MYO6: variants seen among roughly 807,000 people sequenced by gnomAD.
The protein encoded by MYO6 is myosin VI.
In MYO6, 74 loss-of-function variants were observed where a neutral mutation model predicts 178.7. That is an observed-to-expected ratio of 0.41 (90% CI 0.34 to 0.50). The LOEUF is 0.50. MYO6 is among the 20% of genes least tolerant of loss of function. The probability of loss-of-function intolerance (pLI) is 0.09; values close to 1 mark genes in which losing one functional copy is unlikely to be tolerated. For missense variants in MYO6, 1,330 were observed against 1,547.4 expected (o/e 0.86, Z 2.36); for synonymous variants, 477 against 504.6 (o/e 0.95, Z 0.73).
chr6:75,822,474 G>A (rs1404350255), intron 2 of MYO6, among the ~76,000 whole-genome samples: 1 of 151,918 alleles, frequency 6.6e-6, no homozygotes, highest in Admixed American at 6.6e-5. Context: ...TTGTTAAATA[G>A]CATATGTATG....
At chr6:75,833,372 TA>T (rs1319160344) in intron 6 of MYO6, among the ~76,000 whole-genome samples, 36 of 152,356 alleles carry the variant, frequency 2.4e-4, no homozygotes, top group African/African-American at 8.2e-4. Flanking sequence ...ATAGTAGCAT[TA>T]AGTATATTCA....
intron 1 of MYO6, among the ~76,000 whole-genome samples, chr6:75,815,739 G>A (rs1283258718): frequency 6.6e-6 from 1 of 152,220 alleles, no homozygotes; most frequent in Admixed American, 6.5e-5. Flanking sequence ...TGAATGAACT[G>A]TATGCCAAAC....
At chr6:75,839,170 TA>T (rs1221218434) in intron 7 of MYO6, among the ~76,000 whole-genome samples, 5 of 152,072 alleles carry the variant, frequency 3.3e-5, no homozygotes, top group African/African-American at 9.6e-5. Context: ...ACTTCATGTT[TA>T]TTTTTTAATT....
At chr6:75,895,329 G>C (rs181707647) in intron 29 of MYO6, 69 bp downstream of exon 29, 6 of 1,214,752 alleles carry the variant, frequency 4.9e-6, no homozygotes, top group African/African-American at 3.0e-5. Flanking sequence ...TTTCTCATTG[G>C]AGTAAATTTT....
chr6:75,833,527 T>G (rs1364604471), intron 6 of MYO6, among the ~76,000 whole-genome samples: 1 of 152,206 alleles, frequency 6.6e-6, no homozygotes, highest in African/African-American at 2.4e-5. Context: ...TTTAACTACT[T>G]TAGCTATTTC....
At chr6:75,866,740 T>C (rs764779055) in intron 17 of MYO6, 119 bp downstream of exon 17, 106 of 1,145,464 alleles carry the variant, frequency 9.3e-5, no homozygotes, top group Non-Finnish European at 1.4e-4. Flanking sequence ...TTAAGTAAAA[T>C]TACAAGTTCA....
chr6:75,763,423 T>C (rs1420890803), intron 1 of MYO6, among the ~76,000 whole-genome samples: 1 of 152,228 alleles, frequency 6.6e-6, no homozygotes, highest in Admixed American at 6.5e-5. Context: ...AATGATTGTT[T>C]CCTAGATTAT....
intron 3 of MYO6, among the ~76,000 whole-genome samples, chr6:75,828,297 A>C (rs553072851): frequency 6.6e-6 from 1 of 152,256 alleles, no homozygotes; most frequent in East Asian, 1.9e-4. Flanking sequence ...AGTACTCACT[A>C]GGTTTACTCT....
chr6:75,825,466 G>A (rs950599446), intron 3 of MYO6, among the ~76,000 whole-genome samples: 2 of 152,100 alleles, frequency 1.3e-5, no homozygotes, highest in Non-Finnish European at 2.9e-5. Context: ...GGTGGTGGGC[G>A]CCGGTAATCC....
intron 2 of MYO6, among the ~76,000 whole-genome samples, chr6:75,821,460 T>C (rs1771862250): frequency 6.6e-6 from 1 of 152,328 alleles, no homozygotes; most frequent in South Asian, 2.1e-4. Flanking sequence ...TTTTGTGGCC[T>C]GTCCTACAAA....
At chr6:75,911,630 G>T in intron 32 of MYO6, 42 bp from the exon 33 acceptor site, 1 of 1,552,946 alleles carries the variant, frequency 6.4e-7, no homozygotes, top group Non-Finnish European at 8.9e-7. Context: ...TAACAGTTTT[G>T]GCATTTTTAT....
intron 5 of MYO6, 32 bp from the exon 6 acceptor site, chr6:75,832,810 T>G: frequency 3.9e-6 from 5 of 1,269,872 alleles, no homozygotes; most frequent in Non-Finnish European, 5.8e-6. Flanking sequence ...TTTAATATAT[T>G]GCTCATCATT....
intron 25 of MYO6, among the ~76,000 whole-genome samples, chr6:75,888,306 G>GTAATA (rs1005331060): frequency 1.3e-5 from 2 of 149,794 alleles, no homozygotes; most frequent in African/African-American, 4.9e-5. Context: ...AATGATAAAA[G>GTAATA]TAATATAATA....
Position 75,784,161 on chromosome 6 carries a change from C to T in MYO6, c.-47-33340C>T, listed in dbSNP as rs577622117. On this transcript the variant is annotated intron_variant, in intron 1 of 34. Transcript: ENST00000369977. Reference sequence around the variant, plus strand: ...TAATTTTTTGTATTTTTAGTAGAGACGGGGTTTCACCGTGTTAGCCAGGAT... The same window carrying T: ...TAATTTTTTGTATTTTTAGTAGAGATGGGGTTTCACCGTGTTAGCCAGGAT... Among the ~76,000 whole-genome samples, 20 of 151,780 alleles carry T rather than the reference C, an allele frequency of 1.3e-4. No homozygotes were observed. In the East Asian group the frequency reaches 2.2e-3, roughly 16 times the overall value.
chr6:75,882,085 C>T (rs1401027294), intron 23 of MYO6, among the ~76,000 whole-genome samples: 1 of 152,156 alleles, frequency 6.6e-6, no homozygotes, highest in Admixed American at 6.5e-5. Flanking sequence ...CTCGTCCCCG[C>T]ACCCCTCACC....
chr6:75,890,895 C>T (rs905047174), intron 26 of MYO6, among the ~76,000 whole-genome samples: 1 of 152,026 alleles, frequency 6.6e-6, no homozygotes. Flanking sequence ...TGAAAGATTG[C>T]CATGATAGGG....
At chr6:75,873,141 A>T in intron 19 of MYO6, 66 bp from the exon 20 acceptor site, 1 of 1,214,138 alleles carries the variant, frequency 8.2e-7, no homozygotes. Context: ...AGTTGCAGGT[A>T]TTCATAGAAA....
chr6:75,794,252 A>T (rs1326792197), intron 1 of MYO6, among the ~76,000 whole-genome samples: 1 of 152,220 alleles, frequency 6.6e-6, no homozygotes, highest in African/African-American at 2.4e-5. Flanking sequence ...GAAGACATCT[A>T]AAAAATAGAA....
At chr6:75,869,566 T>G (rs892440716) in intron 18 of MYO6, among the ~76,000 whole-genome samples, 16 of 152,176 alleles carry the variant, frequency 1.1e-4, no homozygotes, top group African/African-American at 3.9e-4. Flanking sequence ...AATGTTAGTT[T>G]AAAAATTAAC....
Sources: gnomAD v4.1 joint callset for allele counts (sites outside exome capture counted in the v4.1 genomes callset) on GRCh38, gnomAD v4.1.1 for gene constraint, MANE v1.5 for transcripts, NCBI Gene and HGNC (gene_info 2026-07-23, HGNC 2026-07-21) for gene names.